The following ARHGEF33 variants were observed in gnomAD, a reference collection of about 807,000 sequenced individuals.
ARHGEF33 encodes DH and coiled-coil domain-containing protein ENSP00000381780.
ARHGEF33 carries 72 observed loss-of-function variants against 101.9 expected under a neutral mutation model. The ratio of observed to expected loss-of-function variants is 0.71; its 90% confidence interval spans 0.58 to 0.86. ARHGEF33 has a LOEUF of 0.86. Ranked by LOEUF, ARHGEF33 falls within the 40% of genes least tolerant of loss-of-function variation. ARHGEF33 has a pLI of 0.00. For synonymous variants in ARHGEF33, 499 were observed against 442.5 expected (o/e 1.13, Z -1.60); for missense variants, 1,169 against 1,111.3 (o/e 1.05, Z -0.74).
At chr2:38,931,805 A>G (rs1327454148) in intron 7 of ARHGEF33, among the ~76,000 whole-genome samples, 1 of 152,220 alleles carries the variant, frequency 6.6e-6, no homozygotes, top group Non-Finnish European at 1.5e-5. Flanking sequence ...AAAATTTGCC[A>G]TGTCTTTGTA....
At chr2:38,940,809 T>A (rs745651503) in intron 9 of ARHGEF33, among the ~76,000 whole-genome samples, 2 of 152,192 alleles carry the variant, frequency 1.3e-5, no homozygotes, top group African/African-American at 4.8e-5. Context: ...TCAATCTCCC[T>A]GAAAATTCAG....
chr2:38,949,859 G>A (rs1393724591), intron 10 of ARHGEF33, among the ~76,000 whole-genome samples: 3 of 152,176 alleles, frequency 2.0e-5, no homozygotes, highest in Non-Finnish European at 2.9e-5. Flanking sequence ...ATGTCACAGG[G>A]CGCAGCAGGA....
intron 10 of ARHGEF33, among the ~76,000 whole-genome samples, chr2:38,950,179 C>A (rs408686): frequency 0.9 from 136,330 of 152,152 alleles, 61,199 homozygotes; most frequent in Non-Finnish European, 0.92. Context: ...CCCTCTGATA[C>A]CCTACAACTC....
chr2:38,937,196 A>T, intron 8 of ARHGEF33, 139 bp from the exon 9 acceptor site: 5 of 600,112 alleles, frequency 8.3e-6, no homozygotes, highest in Non-Finnish European at 1.2e-5. Context: ...GGGTTTCACC[A>T]TGTTAGCCAG....
At chr2:38,891,616 G>A (rs755612928) in intron 1 of ARHGEF33, among the ~76,000 whole-genome samples, 42 of 152,238 alleles carry the variant, frequency 2.8e-4, no homozygotes, top group Non-Finnish European at 5.0e-4. Flanking sequence ...TTTTAGGACT[G>A]GAGTATGATT....
At chr2:38,920,312 A>C (rs1243998525) in intron 3 of ARHGEF33, among the ~76,000 whole-genome samples, 1 of 152,032 alleles carries the variant, frequency 6.6e-6, no homozygotes, top group Non-Finnish European at 1.5e-5. Flanking sequence ...CTTTATGGCC[A>C]ACCAATGTGG....
At chr2:38,903,566 T>C (rs920040801) in intron 2 of ARHGEF33, among the ~76,000 whole-genome samples, 2 of 152,082 alleles carry the variant, frequency 1.3e-5, no homozygotes, top group Non-Finnish European at 2.9e-5. Context: ...AAGAAAGAAG[T>C]GGGCAAACAC....
intron 2 of ARHGEF33, among the ~76,000 whole-genome samples, chr2:38,918,740 C>T (rs1666690063): frequency 6.6e-6 from 1 of 152,044 alleles, no homozygotes. Context: ...AGTTTTTTCT[C>T]CTTAAGATAA....
intron 7 of ARHGEF33, among the ~76,000 whole-genome samples, chr2:38,933,342 G>C (rs1396789742): frequency 1.3e-5 from 2 of 152,008 alleles, no homozygotes; most frequent in Non-Finnish European, 2.9e-5. Flanking sequence ...TTATCTAAAA[G>C]AACGCTCAAT....
Position 38,960,283 on chromosome 2 carries a change from G to C in ARHGEF33, c.1978G>C (p.Val660Leu). 1 of 1,547,040 alleles carries C rather than the reference G, an allele frequency of 6.5e-7. No homozygotes were observed. Among genetic ancestry groups the C allele is most frequent in the Non-Finnish European group, 8.7e-7 (1 of 1,146,128 alleles). The change falls in exon 16 of 18, where the codon GTC (valine) becomes CTC (leucine). Residue 660 changes from valine (V) to leucine (L), a missense_variant. Coordinates refer to ENST00000409978, the MANE Select transcript of ARHGEF33 (RefSeq NM_001145451.5). ...CCTGGACATCTGCTTCCTGCGGCCC[G>C]TCAGCTTCGCCATGGAGGCCGAGCG... Reference protein sequence around the residue: ...SSLDICFLRPVSFAMEAERPE... With the variant: ...SSLDICFLRPLSFAMEAERPE...
rs1241091169 is a variant in ARHGEF33, at chr2:38,943,950, T to C, written c.840T>C (p.Tyr280=). Residue 280 remains tyrosine (Y), a synonymous_variant, in exon 10 of 18, where the codon TAT becomes TAC. Transcript: ENST00000409978. ...ALELLESERK[Y]VINISLILKI... The stretch of plus-strand genomic sequence containing the variant: ...AACTGCTTGAATCTGAAAGAAAATA[T>C]GTCATTAACATCTCTCTGATCTTGA... 3.9e-6 allele frequency: 6 copies of C among 1,551,822 alleles called. No homozygotes were observed. Among genetic ancestry groups the C allele is most frequent in the South Asian group, 1.2e-5 (1 of 84,010 alleles).
chr2:38,965,966 G>A, intron 16 of ARHGEF33, 40 bp from the exon 17 acceptor site: 1 of 1,547,896 alleles, frequency 6.5e-7, no homozygotes, highest in Non-Finnish European at 8.7e-7. Context: ...TAATAACATT[G>A]GAAGGAGTAA....
intron 8 of ARHGEF33, chr2:38,937,003 T>TA (rs1350723330): frequency 6.7e-6 from 1 of 149,412 alleles, no homozygotes; most frequent in East Asian, 2.0e-4. Flanking sequence ...CAAACTTTTT[T>TA]TTTTTTTTTG....
intron 16 of ARHGEF33, among the ~76,000 whole-genome samples, chr2:38,961,050 C>T (rs1667924390): frequency 1.3e-5 from 2 of 152,130 alleles, no homozygotes; most frequent in Admixed American, 1.3e-4. Context: ...CACGCAGGTC[C>T]CGGGCCAGTG....
At chr2:38,953,047 T>C in intron 11 of ARHGEF33, 115 bp from the exon 12 acceptor site, 1 of 631,242 alleles carries the variant, frequency 1.6e-6, no homozygotes, top group Non-Finnish European at 2.8e-6. Context: ...AAGAACATAT[T>C]AAATGAATAA....
chr2:38,922,349 C>T (rs183183965), intron 4 of ARHGEF33, among the ~76,000 whole-genome samples: 1 of 151,998 alleles, frequency 6.6e-6, no homozygotes, highest in African/African-American at 2.4e-5. Flanking sequence ...AGTGCTCTCA[C>T]AAGCAGAAAT....
chr2:38,898,382 A>G (rs938692481), intron 2 of ARHGEF33, among the ~76,000 whole-genome samples: 6 of 152,184 alleles, frequency 3.9e-5, no homozygotes, highest in Admixed American at 3.9e-4. Flanking sequence ...TGCACAGGCA[A>G]GCTAGTATCA....
intron 2 of ARHGEF33, among the ~76,000 whole-genome samples, chr2:38,911,509 A>G (rs1185134444): frequency 2.0e-5 from 3 of 152,144 alleles, no homozygotes; most frequent in African/African-American, 7.2e-5. Flanking sequence ...TATGGGGAGG[A>G]GGGTACACGT....
chr2:38,914,815 A>G (rs1299014637), intron 2 of ARHGEF33, among the ~76,000 whole-genome samples: 2 of 152,162 alleles, frequency 1.3e-5, no homozygotes, highest in Non-Finnish European at 2.9e-5. Flanking sequence ...TATTCTGTAT[A>G]TGATTGTGTG....
Sources: allele counts gnomAD v4.1 joint callset (sites outside exome capture counted in the v4.1 genomes callset), GRCh38; gene constraint gnomAD v4.1.1; transcripts MANE v1.5; gene names NCBI Gene and HGNC (gene_info 2026-07-23, HGNC 2026-07-21).